The following PALS2 variants were observed in gnomAD, a reference collection of about 807,000 sequenced individuals.
PALS2 encodes protein associated with LIN7 2, MAGUK p55 family member.
In PALS2, 27 loss-of-function variants were observed where a neutral mutation model predicts 61.6. The ratio of observed to expected loss-of-function variants is 0.44; its 90% CI spans 0.32 to 0.60. PALS2 has a LOEUF of 0.60. Among genes scored for constraint, PALS2 ranks in the 20% least tolerant of loss-of-function variants. PALS2 has a pLI of 0.05. For synonymous variants in PALS2, 236 were observed against 218.6 expected (o/e 1.08, Z -0.70); for missense variants, 554 against 639.4 (o/e 0.87, Z 1.44).
intron 2 of PALS2, 136 bp from the exon 3 acceptor site, chr7:24,641,580 T>G (rs1455544116): frequency 1.5e-6 from 1 of 682,172 alleles, no homozygotes; most frequent in Non-Finnish European, 2.3e-6. Context: ...TGCCTCTGGT[T>G]GAAGTATTAA....
intron 11 of PALS2, among the ~76,000 whole-genome samples, chr7:24,685,835 C>A (rs544979880): frequency 1.3e-5 from 2 of 152,226 alleles, no homozygotes; most frequent in African/African-American, 4.8e-5. Flanking sequence ...GAATCCACTT[C>A]TCTCTCTACA....
chr7:24,603,879 G>T (rs990366324), intron 1 of PALS2, among the ~76,000 whole-genome samples: 30 of 152,212 alleles, frequency 2.0e-4, no homozygotes, highest in African/African-American at 7.2e-4. Context: ...TAGAGTTACT[G>T]TTAAGGGTTC....
chr7:24,584,765 A>T (rs1782992487), intron 1 of PALS2, among the ~76,000 whole-genome samples: 1 of 151,880 alleles, frequency 6.6e-6, no homozygotes, highest in African/African-American at 2.4e-5. Context: ...GGTAATGCCT[A>T]GGTTTTCTTC....
chr7:24,624,062 G>A (rs1435959699), intron 2 of PALS2: 1 of 1,338,598 alleles, frequency 7.5e-7, no homozygotes, highest in East Asian at 4.5e-5. Flanking sequence ...GTTTTAACAG[G>A]GCCTGTGAAA....
In PALS2 at chr7:24,650,538, T is replaced by C. The variant is rs758753954; in HGVS notation, c.477T>C (p.His159=). 5.0e-6 allele frequency: 8 copies of C among 1,612,982 alleles called. No individual in the cohort carries two copies. In the Admixed American group the frequency reaches 1.2e-4, roughly 24 times the overall value. Residue 159 remains histidine, a synonymous_variant, in exon 5 of 12, where the codon CAT becomes CAC. Coordinates refer to ENST00000222644, the MANE Select transcript of PALS2 (RefSeq NM_001303037.2). ...NNDLVIARIL[H]GGMIDRQGLL... is the part of the protein sequence containing the mutation. ...ATCTGGTAATTGCCCGAATCCTCCATGGGGGAATGATAGATCGACAAGGTC... is the reference window on the plus strand; with the variant it reads ...ATCTGGTAATTGCCCGAATCCTCCACGGGGGAATGATAGATCGACAAGGTC...
chr7:24,624,605 C>CTTTT (rs368160704), intron 2 of PALS2, among the ~76,000 whole-genome samples: 2 of 86,398 alleles, frequency 2.3e-5, no homozygotes, highest in African/African-American at 6.5e-5. Flanking sequence ...GCAGATTCTT[C>CTTTT]TTTTTTTTTT....
Position 24,689,087 on chromosome 7 carries a change from T to G in PALS2, c.*1473T>G, listed in dbSNP as rs961769036. ...CCTTGGCCTCCCAAAGTGCTGAGAT[T>G]ACAAGCATGAGCCACTGCACCTAGC... On this transcript the variant is annotated 3_prime_UTR_variant, in exon 12 of 12. Coordinates refer to ENST00000222644, the MANE Select transcript of PALS2 (RefSeq NM_001303037.2). 2.6e-5 allele frequency: 4 copies of G among 152,244 alleles called. No homozygotes were observed. The highest frequency in any genetic ancestry group is 9.6e-5 in the African/African-American group (4 of 41,458). 9.4% of individuals were successfully genotyped at this position (152,244 alleles called of 1,614,324 possible). A position where few individuals can be genotyped will look rare whatever the true frequency, so the allele number is the denominator to read the frequency against.
At chr7:24,637,609 C>T (rs1444103516) in intron 2 of PALS2, among the ~76,000 whole-genome samples, 1 of 152,024 alleles carries the variant, frequency 6.6e-6, no homozygotes, top group African/African-American at 2.4e-5. Context: ...TGATATGGTC[C>T]TTGTGTTTTA....
In PALS2 at chr7:24,668,484, T is replaced by A. The variant is rs1299983897; in HGVS notation, c.953-15T>A. On this transcript the variant is annotated splice_polypyrimidine_tract_variant and intron_variant, in intron 8 of 11. Transcript: ENST00000222644. Reference sequence around the variant, plus strand: ...TAAAAGTTGACTTTGTATTCCCATTTCCTTTTTCATTTAGAATTTGATCGT... The same window carrying A: ...TAAAAGTTGACTTTGTATTCCCATTACCTTTTTCATTTAGAATTTGATCGT... 6.2e-7 allele frequency: 1 copy of A among 1,606,306 alleles called. No homozygotes were observed. Among genetic ancestry groups the A allele is most frequent in the Non-Finnish European group, 8.5e-7 (1 of 1,175,344 alleles).
intron 1 of PALS2, among the ~76,000 whole-genome samples, chr7:24,622,449 T>C (rs1199270997): frequency 6.6e-6 from 1 of 151,956 alleles, no homozygotes; most frequent in East Asian, 1.9e-4. Flanking sequence ...AATGGTTTTC[T>C]TAATTTCATT....
intron 2 of PALS2, among the ~76,000 whole-genome samples, chr7:24,632,992 C>T (rs1416808774): frequency 6.6e-6 from 1 of 151,360 alleles, no homozygotes; most frequent in Non-Finnish European, 1.5e-5. Flanking sequence ...ACTTACAGTG[C>T]AACTACCTTA....
intron 9 of PALS2, among the ~76,000 whole-genome samples, chr7:24,669,432 T>A (rs1787190488): frequency 6.6e-6 from 1 of 152,212 alleles, no homozygotes; most frequent in Non-Finnish European, 1.5e-5. Context: ...TTGTCTTTGT[T>A]TTTGAAATAC....
At chr7:24,633,411 G>T (rs1583910553) in intron 2 of PALS2, among the ~76,000 whole-genome samples, 2 of 104,626 alleles carry the variant, frequency 1.9e-5, no homozygotes, top group Admixed American at 1.2e-4. Flanking sequence ...CTGCTTGCAT[G>T]TTTCCTGAAG....
At chr7:24,665,016 A>C (rs1314426788) in intron 6 of PALS2, among the ~76,000 whole-genome samples, 1 of 152,180 alleles carries the variant, frequency 6.6e-6, no homozygotes, top group Non-Finnish European at 1.5e-5. Context: ...ACTAACAGCC[A>C]GTTCTCCAGC....
At chr7:24,606,940 T>C (rs146289912) in intron 1 of PALS2, among the ~76,000 whole-genome samples, 9 of 152,274 alleles carry the variant, frequency 5.9e-5, no homozygotes, top group Admixed American at 1.3e-4. Flanking sequence ...AAAGTACTTT[T>C]ATATAGTGCT....
Position 24,687,444 on chromosome 7 carries a change from G to C in PALS2, c.1453G>C (p.Asp485His). ...TTTTAAAACTCTTCAACAGGACTCTGACTTGAAGAAAACAGTGGATGAAAG... is the reference window on the plus strand; with the variant it reads ...TTTTAAAACTCTTCAACAGGACTCTCACTTGAAGAAAACAGTGGATGAAAG... ...GITTKLLTDS[D>H]LKKTVDESAR... Residue 485 changes from aspartate to histidine, a missense_variant, in exon 12 of 12, where the codon GAC becomes CAC. Physicochemically the swap from Asp to His is moderately conservative, Grantham distance 81. Transcript: ENST00000222644. This position sits in a 1 kb window ranked among gnomAD's most constrained non-coding sequence, Gnocchi z 4.5. 1.2e-6 allele frequency: 2 copies of C among 1,608,012 alleles called. No individual in the cohort carries two copies. The highest frequency in any genetic ancestry group is 1.7e-6 in the Non-Finnish European group (2 of 1,178,150).
Position 24,688,673 on chromosome 7 carries a change from A to C in PALS2, c.*1059A>C, listed in dbSNP as rs1788323676. 1 of 151,734 alleles carries C rather than the reference A, an allele frequency of 6.6e-6. No homozygotes were observed. Among genetic ancestry groups the C allele is most frequent in the African/African-American group, 2.4e-5 (1 of 41,328 alleles). 9.4% of individuals were successfully genotyped at this position (151,734 alleles called of 1,614,324 possible). On this transcript the variant is annotated 3_prime_UTR_variant, in exon 12 of 12. Transcript: ENST00000222644. ...AACCAAACCCATTGAACAACTTAAAAAATTGGGAAATAATTGTCAGCTATT... is the reference window on the plus strand; with the variant it reads ...AACCAAACCCATTGAACAACTTAAACAATTGGGAAATAATTGTCAGCTATT...
chr7:24,576,675 A>C (rs558835580), intron 1 of PALS2, among the ~76,000 whole-genome samples: 30 of 152,312 alleles, frequency 2.0e-4, no homozygotes, highest in African/African-American at 7.2e-4. Context: ...TGTAGGTTTA[A>C]TTGCTTGCTT....
chr7:24,611,681 C>G (rs1784117777), intron 1 of PALS2, among the ~76,000 whole-genome samples: 1 of 151,738 alleles, frequency 6.6e-6, no homozygotes, highest in Non-Finnish European at 1.5e-5. Context: ...AGAAGTTATC[C>G]TAATTAGGGC....
Sources: gnomAD v4.1 joint callset for allele counts (sites outside exome capture counted in the v4.1 genomes callset) on GRCh38, gnomAD v4.1.1 for gene constraint, Gnocchi (gnomAD v3.1) non-coding constraint, MANE v1.5 for transcripts, NCBI Gene and HGNC (gene_info 2026-07-23, HGNC 2026-07-21) for gene names.